The following OXR1 variants were observed in gnomAD, a reference collection of about 807,000 sequenced individuals.
OXR1 encodes oxidation resistance protein 1.
Under a neutral mutation model 104.6 loss-of-function variants are expected in OXR1, and 41 were observed. The observed-to-expected ratio is 0.39, with a 90% confidence interval of 0.31 to 0.51. The LOEUF (loss-of-function observed/expected upper bound fraction) is 0.51, where lower values mean the gene tolerates loss of function less well. Ranked by LOEUF, OXR1 falls within the 20% of genes least tolerant of loss-of-function variation. OXR1 has a pLI of 0.77. For synonymous variants in OXR1, 348 were observed against 348.4 expected (o/e 1.00, Z 0.01); for missense variants, 955 against 1,031.9 (o/e 0.93, Z 1.02).
Position 106,275,107 on chromosome 8 carries a change from A to T in OXR1, c.-139+4740A>T, listed in dbSNP as rs376163816. On this transcript the variant is annotated intron_variant, in intron 1 of 16. Coordinates refer to ENST00000517566, the MANE Select transcript of OXR1 (RefSeq NM_001198533.2). ...TTGAATTTGGAGCAATTATAGAGAT[A>T]TTTCCCGATTGTTGAAAAGACTTCA... Among the ~76,000 whole-genome samples, 266 of 152,332 alleles carry T rather than the reference A, an allele frequency of 1.7e-3. 7 individuals carry two copies. The South Asian group carries it at 0.054, about 31-fold the overall frequency.
chr8:106,693,418 C>T (rs1829507471), intron 7 of OXR1, among the ~76,000 whole-genome samples: 1 of 142,302 alleles, frequency 7.0e-6, no homozygotes, highest in Non-Finnish European at 1.5e-5. Flanking sequence ...CAAACCTAGT[C>T]AGAATCTTTT....
At chr8:106,484,003 C>A (rs949328420) in intron 2 of OXR1, among the ~76,000 whole-genome samples, 1 of 151,892 alleles carries the variant, frequency 6.6e-6, no homozygotes, top group South Asian at 2.1e-4. Context: ...ATCTAGATTC[C>A]CTTGGGTATG....
At chr8:106,439,232 G>A (rs1051729638) in intron 2 of OXR1, among the ~76,000 whole-genome samples, 3 of 151,862 alleles carry the variant, frequency 2.0e-5, no homozygotes, top group Non-Finnish European at 2.9e-5. Flanking sequence ...GTAAAGCCCC[G>A]GTGATGGGAT....
intron 3 of OXR1, among the ~76,000 whole-genome samples, chr8:106,566,370 A>AT (rs1817075695): frequency 6.6e-6 from 1 of 152,192 alleles, no homozygotes; most frequent in African/African-American, 2.4e-5. Flanking sequence ...ATGAAAAAAA[A>AT]GCTCATCACC....
chr8:106,332,689 A>G (rs772071161), intron 1 of OXR1, among the ~76,000 whole-genome samples: 2 of 152,198 alleles, frequency 1.3e-5, no homozygotes, highest in Non-Finnish European at 2.9e-5. Context: ...TAGTGTATTC[A>G]AAAAGCTCTG....
chr8:106,361,443 C>T (rs1342745648), intron 2 of OXR1, among the ~76,000 whole-genome samples: 6 of 152,110 alleles, frequency 3.9e-5, no homozygotes, highest in African/African-American at 1.2e-4. Context: ...CAGTGTCACC[C>T]CCACCATGCA....
intron 3 of OXR1, among the ~76,000 whole-genome samples, chr8:106,561,252 A>G (rs1021247117): frequency 6.6e-6 from 1 of 152,114 alleles, no homozygotes; most frequent in Non-Finnish European, 1.5e-5. Flanking sequence ...CCAGCAAAAC[A>G]GTCTGAAGTC....
intron 1 of OXR1, among the ~76,000 whole-genome samples, chr8:106,294,564 G>T (rs1306886927): frequency 1.3e-5 from 2 of 152,016 alleles, no homozygotes; most frequent in Admixed American, 1.3e-4. Flanking sequence ...AGAAGATGAA[G>T]GGGGAGTAAG....
intron 3 of OXR1, among the ~76,000 whole-genome samples, chr8:106,595,422 C>T (rs1364007558): frequency 4.0e-5 from 6 of 151,654 alleles, no homozygotes; most frequent in African/African-American, 7.3e-5. Flanking sequence ...TGGTCGTGGG[C>T]GCTTGTAATC....
chr8:106,407,808 A>T (rs1245094676), intron 2 of OXR1, among the ~76,000 whole-genome samples: 1 of 152,124 alleles, frequency 6.6e-6, no homozygotes, highest in Non-Finnish European at 1.5e-5. Flanking sequence ...ACATTTCCTC[A>T]TGGAGGAAGG....
chr8:106,281,584 C>T (rs1437416227), intron 1 of OXR1, among the ~76,000 whole-genome samples: 4 of 151,996 alleles, frequency 2.6e-5, no homozygotes, highest in African/African-American at 9.7e-5. Context: ...GGGTGGAACA[C>T]GAGTCAGGAA....
At chr8:106,503,004 GT>G in intron 2 of OXR1, among the ~76,000 whole-genome samples, 1 of 152,162 alleles carries the variant, frequency 6.6e-6, no homozygotes, top group African/African-American at 2.4e-5. Context: ...TTTTTTTATA[GT>G]TTTATTTTAT....
intron 3 of OXR1, among the ~76,000 whole-genome samples, chr8:106,525,370 A>C (rs1813580403): frequency 6.6e-6 from 1 of 152,196 alleles, no homozygotes; most frequent in Admixed American, 6.5e-5. Context: ...CCTAGATAGG[A>C]TCCAGACCCA....
chr8:106,671,044 C>CAAATA (rs1826902262), intron 3 of OXR1, among the ~76,000 whole-genome samples: 1 of 48,926 alleles, frequency 2.0e-5, no homozygotes, highest in Non-Finnish European at 3.5e-5. Flanking sequence ...GACTCTGTCT[C>CAAATA]AAAAAAAAAA....
chr8:106,742,065 A>T (rs529937028), intron 14 of OXR1, among the ~76,000 whole-genome samples, 157 bp from the exon 15 acceptor site: 58 of 152,328 alleles, frequency 3.8e-4, no homozygotes, highest in African/African-American at 1.4e-3. Context: ...AATGTAAATT[A>T]TATAGCAGCT....
rs576251616 is a variant in OXR1, at chr8:106,665,539, C to A, written c.221-13671C>A. ...TTGAGTTGGTCAGCTATTTAAAGCACCTTAGAAAGTGTTAAAATTTGCTAG... is the reference window on the plus strand; with the variant it reads ...TTGAGTTGGTCAGCTATTTAAAGCAACTTAGAAAGTGTTAAAATTTGCTAG... On this transcript the variant is annotated intron_variant, in intron 3 of 16. Coordinates refer to ENST00000517566, the MANE Select transcript of OXR1 (RefSeq NM_001198533.2). Among the ~76,000 whole-genome samples, 3 of 152,192 alleles carry A rather than the reference C, an allele frequency of 2.0e-5. No homozygotes were observed. The South Asian group carries it at 6.2e-4, about 32-fold the overall frequency.
intron 2 of OXR1, among the ~76,000 whole-genome samples, chr8:106,446,978 T>C (rs1901776): frequency 0.11 from 16,662 of 152,152 alleles, 3,092 homozygotes; most frequent in African/African-American, 0.38. Context: ...ATTTTTGTGA[T>C]GACCTCTGGT....
At chr8:106,701,510 GTTTTTC>G (rs1830581127) in intron 7 of OXR1, among the ~76,000 whole-genome samples, 1 of 152,126 alleles carries the variant, frequency 6.6e-6, no homozygotes, top group African/African-American at 2.4e-5. Context: ...CAGGATTTGA[GTTTTTC>G]TTTTTCTTTG....
At chr8:106,659,690 T>C (rs1479238679) in intron 3 of OXR1, among the ~76,000 whole-genome samples, 2 of 152,248 alleles carry the variant, frequency 1.3e-5, no homozygotes, top group Non-Finnish European at 2.9e-5. Flanking sequence ...TTAATAAATA[T>C]GGCCAAACAC....
Sources: gnomAD v4.1 joint callset for allele counts (sites outside exome capture counted in the v4.1 genomes callset) on GRCh38, gnomAD v4.1.1 for gene constraint, MANE v1.5 for transcripts, NCBI Gene and HGNC (gene_info 2026-07-23, HGNC 2026-07-21) for gene names.